Variants in ZRSR2 observed in about 807,000 individuals in gnomAD.
ZRSR2 encodes the protein U2 small nuclear ribonucleoprotein auxiliary factor 35 kDa subunit-related protein 2.
ZRSR2 carries 3 observed loss-of-function variants against 39.4 expected under a neutral mutation model. That is an observed-to-expected ratio of 0.08 (90% CI 0.03 to 0.20). The LOEUF is 0.20. Ranked by LOEUF, ZRSR2 falls within the 10% of genes least tolerant of loss-of-function variation. The pLI, the probability that ZRSR2 is intolerant of heterozygous loss-of-function variation, is 1.00. For synonymous variants in ZRSR2, 137 were observed against 136.0 expected (o/e 1.01, Z -0.05); for missense variants, 256 against 391.5 (o/e 0.65, Z 2.92).
intron 7 of ZRSR2, among the ~76,000 whole-genome samples, chrX:15,810,905 A>T (rs969660330): frequency 1.9e-5 from 2 of 106,837 alleles, no homozygotes; most frequent in African/African-American, 6.7e-5. Flanking sequence ...TATTTATATA[A>T]AAATATTATA....
intron 7 of ZRSR2, among the ~76,000 whole-genome samples, chrX:15,811,761 G>T (rs1228090149): frequency 9.0e-6 from 1 of 111,111 alleles, no homozygotes; most frequent in Non-Finnish European, 1.9e-5. Flanking sequence ...TGAGAGGAGG[G>T]GAGATGTCTT....
chrX:15,817,854 AG>A (rs1313154919), intron 8 of ZRSR2, among the ~76,000 whole-genome samples: 1 of 112,186 alleles, frequency 8.9e-6, no homozygotes, highest in African/African-American at 3.2e-5. Flanking sequence ...TGGTATATCC[AG>A]TATACAGTAG....
chrX:15,816,056 G>A (rs965486828), intron 8 of ZRSR2, among the ~76,000 whole-genome samples, 166 bp downstream of exon 8: 3 of 111,825 alleles, frequency 2.7e-5, no homozygotes, highest in African/African-American at 9.8e-5. Context: ...CCAATGTCAC[G>A]TCAATACCAC....
At chrX:15,810,682 G>A (rs1177904302) in intron 7 of ZRSR2, among the ~76,000 whole-genome samples, 1 of 108,212 alleles carries the variant, frequency 9.2e-6, no homozygotes, top group Non-Finnish European at 1.9e-5. Context: ...GAGTCATCTA[G>A]AAAGCTTTAA....
chrX:15,822,703 G>A, intron 10 of ZRSR2, 28 bp from the exon 11 acceptor site: 3 of 1,211,835 alleles, frequency 2.5e-6, no homozygotes, highest in Admixed American at 2.2e-5. Context: ...GCAGTGATAA[G>A]TGCTGTTTCA....
At chrX:15,809,827 A>C (rs1045181630) in intron 7 of ZRSR2, among the ~76,000 whole-genome samples, 7 of 111,895 alleles carry the variant, frequency 6.3e-5, no homozygotes, top group African/African-American at 1.6e-4. Context: ...AAAAAAAAAA[A>C]CAAAACTTGG....
intron 7 of ZRSR2, among the ~76,000 whole-genome samples, chrX:15,810,779 G>A (rs1309324270): frequency 9.3e-6 from 1 of 107,435 alleles, no homozygotes; most frequent in African/African-American, 3.4e-5. Context: ...CACTTTGGGA[G>A]GCCAAGGCAG....
chrX:15,808,647 GT>G (rs1166762516), intron 6 of ZRSR2, among the ~76,000 whole-genome samples: 1 of 101,109 alleles, frequency 9.9e-6, no homozygotes, highest in East Asian at 3.0e-4. Context: ...TTGAGACGGA[GT>G]TTTGCTCTTG....
intron 10 of ZRSR2, among the ~76,000 whole-genome samples, chrX:15,820,875 A>C (rs2147291340): frequency 8.9e-6 from 1 of 111,858 alleles, no homozygotes; most frequent in East Asian, 2.8e-4. Context: ...CTGACATCGG[A>C]CAGTGGCAAC....
chrX:15,818,509 C>T, intron 8 of ZRSR2, 78 bp from the exon 9 acceptor site: 1 of 922,307 alleles, frequency 1.1e-6, no homozygotes, highest in Non-Finnish European at 1.6e-6. Flanking sequence ...GGAATGTTAG[C>T]CTGGACAAAC....
At chrX:15,806,460 G>A (rs1460208567) in intron 5 of ZRSR2, among the ~76,000 whole-genome samples, 1 of 111,238 alleles carries the variant, frequency 9.0e-6, no homozygotes, top group East Asian at 2.8e-4. Context: ...GGAGTCTCAT[G>A]CTGTCGCCCA....
rs143815578 is a variant in ZRSR2, at chrX:15,797,994, C to T, written c.122-1878C>T. The stretch of plus-strand genomic sequence containing the variant: ...GGCCATATCCTCTGTGCCAGGTTCT[C>T]TGGCGCTTTAAGTACATTAGATCAT... On this transcript the variant is annotated intron_variant, in intron 2 of 10. Coordinates refer to ENST00000307771, the MANE Select transcript of ZRSR2 (RefSeq NM_005089.4). Among the ~76,000 whole-genome samples the T allele has an allele frequency of 1.1e-4, 12 of 112,245 alleles. No individual in the cohort carries two copies. In the East Asian group the frequency reaches 3.1e-3, roughly 29 times the overall value.
chrX:15,809,417 G>A (rs921086002), intron 7 of ZRSR2, 99 bp downstream of exon 7: 3 of 592,765 alleles, frequency 5.1e-6, no homozygotes, highest in Non-Finnish European at 8.4e-6. Context: ...CATTTCAAAT[G>A]TCCGTCATCA....
intron 5 of ZRSR2, 48 bp downstream of exon 5, chrX:15,804,245 CAGT>C (rs1932757176): frequency 8.9e-7 from 1 of 1,118,686 alleles, no homozygotes; most frequent in Non-Finnish European, 1.2e-6. Flanking sequence ...GAAGAATAAT[CAGT>C]AGGCATGTCA....
At chrX:15,801,909 C>T (rs1421716469) in intron 3 of ZRSR2, 1 of 112,228 alleles carries the variant, frequency 8.9e-6, no homozygotes, top group African/African-American at 3.2e-5. Context: ...TATTTCAAAG[C>T]AGATGTATAT....
intron 1 of ZRSR2, 151 bp downstream of exon 1, chrX:15,790,687 G>T (rs1932242132): frequency 2.4e-6 from 2 of 829,655 alleles, no homozygotes; most frequent in African/African-American, 4.2e-5. Flanking sequence ...TGCCCTCCCC[G>T]GACTTGCACG....
chrX:15,819,516 G>T (rs779215891), intron 9 of ZRSR2, among the ~76,000 whole-genome samples: 1 of 110,958 alleles, frequency 9.0e-6, no homozygotes, highest in Admixed American at 9.6e-5. Context: ...GGTCGAGGCT[G>T]CAGTGAGGTA....
At chrX:15,815,960 G>C in intron 8 of ZRSR2, 70 bp downstream of exon 8, 1 of 935,143 alleles carries the variant, frequency 1.1e-6, no homozygotes, top group Non-Finnish European at 1.5e-6. Context: ...AAGAGAGCTG[G>C]GACACAGGCT....
At chrX:15,806,943 A>G (rs1004457269) in intron 5 of ZRSR2, among the ~76,000 whole-genome samples, 2 of 111,908 alleles carry the variant, frequency 1.8e-5, no homozygotes, top group Non-Finnish European at 3.8e-5. Flanking sequence ...ATAGACAGAT[A>G]GACTGGCAAC....
Sources: gnomAD v4.1 joint callset for allele counts (sites outside exome capture counted in the v4.1 genomes callset) on GRCh38, gnomAD v4.1.1 for gene constraint, MANE v1.5 for transcripts, NCBI Gene and HGNC (gene_info 2026-07-23, HGNC 2026-07-21) for gene names.